The following KCNG2 variants were observed in gnomAD, a reference collection of about 807,000 sequenced individuals.
KCNG2 encodes voltage-gated potassium channel regulatory subunit KCNG2.
KCNG2 carries 7 observed loss-of-function variants against 12.3 expected under a neutral mutation model. That is an observed-to-expected ratio of 0.57 (90% CI 0.32 to 1.07). The LOEUF (loss-of-function observed/expected upper bound fraction) is 1.07, where lower values mean the gene tolerates loss of function less well. Ranked by LOEUF, KCNG2 falls within the 50% of genes least tolerant of loss-of-function variation. The pLI, the probability that KCNG2 is intolerant of heterozygous loss-of-function variation, is 0.04. For missense variants in KCNG2, 703 were observed against 726.0 expected (o/e 0.97, Z 0.36); for synonymous variants, 414 against 351.4 (o/e 1.18, Z -1.99).
At chr18:79,832,378 C>T (rs1216191609) in intron 1 of KCNG2, among the ~76,000 whole-genome samples, 1 of 151,684 alleles carries the variant, frequency 6.6e-6, no homozygotes, top group South Asian at 2.1e-4. Context: ...CACCTGCACT[C>T]ACCTGCCCAT....
chr18:79,880,698 A>G (rs1283378625), intron 3 of KCNG2, among the ~76,000 whole-genome samples: 1 of 152,218 alleles, frequency 6.6e-6, no homozygotes, highest in Non-Finnish European at 1.5e-5. Flanking sequence ...AAACTCCTCA[A>G]CAAAACATCA....
At chr18:79,867,727 G>A (rs967108037) in intron 3 of KCNG2, among the ~76,000 whole-genome samples, 1 of 152,110 alleles carries the variant, frequency 6.6e-6, no homozygotes, top group Non-Finnish European at 1.5e-5. Flanking sequence ...GTCTCCCTGC[G>A]TTTTCCGATG....
chr18:79,898,314 G>C (rs1981051834), intron 3 of KCNG2, among the ~76,000 whole-genome samples: 2 of 152,230 alleles, frequency 1.3e-5, no homozygotes, highest in Admixed American at 1.3e-4. Context: ...CTGAGAGCTT[G>C]ATAGCACCCT....
chr18:79,844,955 A>G (rs1978574235), intron 1 of KCNG2, among the ~76,000 whole-genome samples: 2 of 152,238 alleles, frequency 1.3e-5, no homozygotes, highest in African/African-American at 2.4e-5. Context: ...CCAGAGAGGA[A>G]AAGCAAACTG....
In KCNG2 at chr18:79,849,312, C is replaced by T. The variant is rs1300955580; in HGVS notation, c.-114-7067C>T. Among the ~76,000 whole-genome samples, 5 of 152,334 alleles carry T rather than the reference C, an allele frequency of 3.3e-5. No homozygotes were observed. In the East Asian group the frequency reaches 5.8e-4, roughly 18 times the overall value. On this transcript the variant is annotated intron_variant, in intron 1 of 3. Coordinates refer to ENST00000316249, the MANE Select transcript of KCNG2 (RefSeq NM_012283.2). ...CTCTGACTAGGCGCAGGCGACGTCC[C>T]GGGCAGCAGAAAACAAATCACACAC...
chr18:79,898,860 T>A (rs757226332), intron 3 of KCNG2, among the ~76,000 whole-genome samples, 180 bp from the exon 4 acceptor site: 17 of 152,394 alleles, frequency 1.1e-4, no homozygotes, highest in Middle Eastern at 3.4e-3. Flanking sequence ...GAAATCTTGC[T>A]GGTTTTCTGG....
intron 1 of KCNG2, among the ~76,000 whole-genome samples, chr18:79,799,855 C>T (rs1426400942): frequency 2.0e-5 from 3 of 152,032 alleles, no homozygotes; most frequent in Admixed American, 6.5e-5. Flanking sequence ...GCCCAGCGTG[C>T]GGCTGGGGCT....
At chr18:79,831,635 C>T in intron 1 of KCNG2, among the ~76,000 whole-genome samples, 1 of 125,494 alleles carries the variant, frequency 8.0e-6, no homozygotes, top group Non-Finnish European at 1.7e-5. Flanking sequence ...ACAGAGCCTT[C>T]GTCAGGAGCG....
At chr18:79,844,385 G>T (rs1330138768) in intron 1 of KCNG2, among the ~76,000 whole-genome samples, 1 of 152,148 alleles carries the variant, frequency 6.6e-6, no homozygotes, top group Non-Finnish European at 1.5e-5. Context: ...AATGGTGGTT[G>T]CCAGGGGATT....
chr18:79,819,135 G>C (rs1033200297), intron 1 of KCNG2, among the ~76,000 whole-genome samples: 2 of 152,224 alleles, frequency 1.3e-5, no homozygotes, highest in Admixed American at 6.5e-5. Flanking sequence ...GCAGCTCCAC[G>C]GTAGCTATGG....
chr18:79,841,220 G>A (rs1225209041), intron 1 of KCNG2, among the ~76,000 whole-genome samples: 1 of 152,138 alleles, frequency 6.6e-6, no homozygotes, highest in East Asian at 1.9e-4. Context: ...GCAATGAGCT[G>A]TATAGAGGCT....
intron 1 of KCNG2, among the ~76,000 whole-genome samples, chr18:79,807,226 G>A (rs1345862307): frequency 6.6e-6 from 1 of 152,174 alleles, no homozygotes; most frequent in African/African-American, 2.4e-5. Flanking sequence ...GATACTGGGA[G>A]CTCGTCGCGT....
chr18:79,879,572 A>T (rs1392374940), intron 3 of KCNG2, among the ~76,000 whole-genome samples: 1 of 152,236 alleles, frequency 6.6e-6, no homozygotes, highest in Non-Finnish European at 1.5e-5. Context: ...AGTAGTACAC[A>T]TTTAGGAAAG....
intron 1 of KCNG2, among the ~76,000 whole-genome samples, 149 bp downstream of exon 1, chr18:79,798,163 G>C (rs1451608412): frequency 6.6e-6 from 1 of 151,658 alleles, no homozygotes; most frequent in Non-Finnish European, 1.5e-5. Context: ...GCGCGGGCGC[G>C]GGAGGGTCGA....
intron 1 of KCNG2, among the ~76,000 whole-genome samples, chr18:79,798,712 G>A (rs1417095137): frequency 6.6e-6 from 1 of 152,214 alleles, no homozygotes; most frequent in African/African-American, 2.4e-5. Flanking sequence ...CCGGCCCGGG[G>A]AGCTCCCAGC....
intron 1 of KCNG2, among the ~76,000 whole-genome samples, chr18:79,819,358 G>A (rs868427538): frequency 1.4e-4 from 21 of 152,338 alleles, no homozygotes; most frequent in Admixed American, 7.2e-4. Context: ...GTGGCTGTAC[G>A]GGTGAGGCTG....
chr18:79,895,984 G>T lies in KCNG2; in HGVS notation c.625-3056G>T, dbSNP rs866824286. 3.3e-5 allele frequency among the ~76,000 whole-genome samples: 5 copies of T among 150,922 alleles called. No homozygotes were observed. In the South Asian group the frequency reaches 6.3e-4, roughly 19 times the overall value. On this transcript the variant is annotated intron_variant, in intron 3 of 3. Transcript: ENST00000316249. ...TAGATATATATATGTATTTTTTTTT[G>T]AGATGGAGTCTCACTGTGTTGCCCA... is the stretch of plus-strand genomic sequence containing the variant.
intron 1 of KCNG2, among the ~76,000 whole-genome samples, chr18:79,826,554 C>CAG (rs1429426109): frequency 6.8e-6 from 1 of 146,954 alleles, no homozygotes; most frequent in Admixed American, 6.9e-5. Flanking sequence ...ACTGAGTGAG[C>CAG]AGCTCCTCAC....
intron 1 of KCNG2, among the ~76,000 whole-genome samples, chr18:79,834,215 G>C (rs1978311257): frequency 6.6e-6 from 1 of 152,248 alleles, no homozygotes; most frequent in Non-Finnish European, 1.5e-5. Flanking sequence ...CCCTGATAAA[G>C]ACCCGTTTGC....
Sources: allele counts gnomAD v4.1 joint callset (sites outside exome capture counted in the v4.1 genomes callset), GRCh38; gene constraint gnomAD v4.1.1; transcripts MANE v1.5; gene names NCBI Gene and HGNC (gene_info 2026-07-23, HGNC 2026-07-21).